PDE7B: variants seen among roughly 807,000 people sequenced by gnomAD.
PDE7B encodes the protein phosphodiesterase 7B, also known as 3',5'-cyclic-AMP phosphodiesterase 7B.
A neutral mutation model predicts 56.2 loss-of-function variants in PDE7B; 29 were observed. The observed-to-expected ratio is 0.52, with a 90% CI of 0.38 to 0.70. PDE7B has a LOEUF of 0.70. PDE7B is among the 30% of genes least tolerant of loss of function. The probability of loss-of-function intolerance (pLI) is 0.00; values close to 1 mark genes in which losing one functional copy is unlikely to be tolerated. For missense variants in PDE7B, 490 were observed against 565.0 expected (o/e 0.87, Z 1.35); for synonymous variants, 197 against 196.9 (o/e 1.00, Z 0.00).
chr6:136,008,388 A>G (rs1185150321), intron 2 of PDE7B, among the ~76,000 whole-genome samples: 2 of 152,220 alleles, frequency 1.3e-5, no homozygotes, highest in Admixed American at 6.5e-5. Context: ...TTCTAGTTCT[A>G]GATCCCTGAG....
chr6:136,011,367 A>G (rs1775892531), intron 2 of PDE7B, among the ~76,000 whole-genome samples: 2 of 152,228 alleles, frequency 1.3e-5, no homozygotes, highest in Non-Finnish European at 2.9e-5. Flanking sequence ...TTGCAGAGTA[A>G]GACTGACTTT....
rs191270357 is a variant in PDE7B, at chr6:135,870,453, C to T, written c.21+18434C>T. 4.7e-3 allele frequency among the ~76,000 whole-genome samples: 707 copies of T among 151,542 alleles called. 12 individuals are homozygous for T. The highest frequency in any genetic ancestry group is 0.019 in the South Asian group (93 of 4,782). Reference sequence around the variant, plus strand: ...GATTAAATGTGTGTGTGTGTGTGTGCACACAGGCTTAGAACTGAGTTCAGT... The same window carrying T: ...GATTAAATGTGTGTGTGTGTGTGTGTACACAGGCTTAGAACTGAGTTCAGT... On this transcript the variant is annotated intron_variant, in intron 1 of 12. Coordinates refer to ENST00000308191, the MANE Select transcript of PDE7B (RefSeq NM_018945.4).
rs72005772 is a variant in PDE7B, at chr6:135,972,233, CAAAAAAAAAAAAAAAAA to C, written c.82+24721_82+24737del. ...TGGGCAACTAGAGCTAAACTGTTCT[CAAAAAAAAAAAAAAAAA>C]AAAAAAAAAAACCCAAAAAACAGGG... On this transcript the variant is annotated intron_variant, in intron 2 of 12. Transcript: ENST00000308191. Among the ~76,000 whole-genome samples, 3 of 65,192 alleles carry C rather than the reference CAAAAAAAAAAAAAAAAA, an allele frequency of 4.6e-5. No individual in the cohort carries two copies. The East Asian group carries it at 1.7e-3, about 36-fold the overall frequency. 42.8% of individuals were successfully genotyped at this position (65,192 alleles called of 152,430 possible).
At chr6:135,986,406 TGTA>T (rs770043762) in intron 2 of PDE7B, among the ~76,000 whole-genome samples, 22 of 152,274 alleles carry the variant, frequency 1.4e-4, no homozygotes, top group South Asian at 4.1e-4. Context: ...TTTAGGAAAG[TGTA>T]GTAGCCATGC....
Position 136,195,336 on chromosome 6 carries a change from T to A in PDE7B, c.*3496T>A, listed in dbSNP as rs567606232. The A allele has an allele frequency of 1.8e-4, 27 of 152,082 alleles. No homozygotes were observed. Among genetic ancestry groups the A allele is most frequent in the African/African-American group, 6.5e-4 (27 of 41,502 alleles). The allele number at this position is 152,082 out of a possible 1,614,324, so 9.4% of individuals were successfully genotyped here. A position where few individuals can be genotyped will look rare whatever the true frequency, so the allele number is the denominator to read the frequency against. On this transcript the variant is annotated 3_prime_UTR_variant, in exon 13 of 13. Coordinates refer to ENST00000308191, the MANE Select transcript of PDE7B (RefSeq NM_018945.4). ...TTTTGTAATCTTTTCTCGTGTTGAATCAGATCTGCTTACTTATTTAGGTTT... is the reference window on the plus strand; with the variant it reads ...TTTTGTAATCTTTTCTCGTGTTGAAACAGATCTGCTTACTTATTTAGGTTT...
chr6:135,952,894 G>C (rs1774725618), intron 2 of PDE7B, among the ~76,000 whole-genome samples: 1 of 152,110 alleles, frequency 6.6e-6, no homozygotes, highest in African/African-American at 2.4e-5. Context: ...TTTAGTTAGA[G>C]AGTCTTTTCG....
chr6:136,099,438 T>C (rs1436979395), intron 2 of PDE7B, among the ~76,000 whole-genome samples: 3 of 152,216 alleles, frequency 2.0e-5, no homozygotes, highest in African/African-American at 4.8e-5. Context: ...CCAGCATCTG[T>C]TGTTTCCTGA....
rs1554267949 is a variant in PDE7B at position 135,934,739 on chromosome 6, AAT to A, written c.22-12710_22-12709del. 1.7e-3 allele frequency among the ~76,000 whole-genome samples: 177 copies of A among 105,664 alleles called. 3 individuals carry two copies. The highest frequency in any genetic ancestry group is 5.6e-3 in the African/African-American group (154 of 27,694). 69.3% of individuals were successfully genotyped at this position (105,664 alleles called of 152,430 possible). ...AGTGAAACTCTGTCTCAAAAAAAAAAATATATATATATATATTTTTTAAATAT... is the reference window on the plus strand; with the variant it reads ...AGTGAAACTCTGTCTCAAAAAAAAAAATATATATATATATTTTTTAAATAT... On this transcript the variant is annotated intron_variant, in intron 1 of 12. Transcript: ENST00000308191.
intron 1 of PDE7B, among the ~76,000 whole-genome samples, chr6:135,862,718 T>C (rs1375754754): frequency 6.6e-6 from 1 of 151,900 alleles, no homozygotes; most frequent in Non-Finnish European, 1.5e-5. Flanking sequence ...AGATTTTCTA[T>C]TTTCATTGTC....
chr6:136,165,808 T>G (rs1414349708), intron 8 of PDE7B: 1 of 152,200 alleles, frequency 6.6e-6, no homozygotes, highest in Non-Finnish European at 1.5e-5. Context: ...CTTCATCAAA[T>G]GATCCCACCT....
intron 2 of PDE7B, among the ~76,000 whole-genome samples, chr6:135,957,336 TGTG>T (rs960678625): frequency 6.6e-6 from 1 of 152,124 alleles, no homozygotes; most frequent in African/African-American, 2.4e-5. Flanking sequence ...TTTAAAAAAA[TGTG>T]GAGCAGTTTT....
intron 8 of PDE7B, among the ~76,000 whole-genome samples, chr6:136,161,188 C>T (rs899797469): frequency 6.6e-6 from 1 of 151,990 alleles, no homozygotes; most frequent in Non-Finnish European, 1.5e-5. Context: ...GACATATTTC[C>T]CTCCTGAAAG....
intron 2 of PDE7B, among the ~76,000 whole-genome samples, chr6:135,961,465 A>G (rs529542405): frequency 6.6e-6 from 1 of 152,270 alleles, no homozygotes; most frequent in East Asian, 1.9e-4. Flanking sequence ...TTGACTCAAT[A>G]AAAACAGTTT....
chr6:135,962,992 A>G (rs1410375727), intron 2 of PDE7B, among the ~76,000 whole-genome samples: 1 of 152,228 alleles, frequency 6.6e-6, no homozygotes, highest in East Asian at 1.9e-4. Flanking sequence ...GAAGCCTTCC[A>G]GAACCAACAC....
At chr6:135,861,907 T>C (rs1175761739) in intron 1 of PDE7B, among the ~76,000 whole-genome samples, 1 of 151,908 alleles carries the variant, frequency 6.6e-6, no homozygotes, top group African/African-American at 2.4e-5. Context: ...CTTCAATTTC[T>C]ATTTTTAACT....
chr6:135,876,323 G>A (rs1775492179), intron 1 of PDE7B, among the ~76,000 whole-genome samples: 1 of 152,114 alleles, frequency 6.6e-6, no homozygotes, highest in South Asian at 2.1e-4. Context: ...TGCACGCCTG[G>A]TAGCAGCTCC....
rs541838045 is a variant in PDE7B, at chr6:135,851,705, G to C, written c.-294G>C. The C allele has an allele frequency of 2.9e-6, 1 of 343,234 alleles. No individual in the cohort carries two copies. The highest frequency in any genetic ancestry group is 4.8e-5 in the East Asian group (1 of 20,704). 21.3% of individuals were successfully genotyped at this position (343,234 alleles called of 1,614,324 possible). ...CGGCTGCTCACCCAGCCAGTCAGTT[G>C]GTCTGGGCACTGCAGCAGGCTCGGC... is the stretch of plus-strand genomic sequence containing the variant. On this transcript the variant is annotated 5_prime_UTR_variant, in exon 1 of 13. Coordinates refer to ENST00000308191, the MANE Select transcript of PDE7B (RefSeq NM_018945.4).
chr6:136,082,461 G>A (rs905342957), intron 2 of PDE7B, among the ~76,000 whole-genome samples: 11 of 152,168 alleles, frequency 7.2e-5, no homozygotes, highest in African/African-American at 2.7e-4. Flanking sequence ...AGAGGACAGC[G>A]AGATTTGCCA....
chr6:135,992,301 C>T (rs1682287896), intron 2 of PDE7B, among the ~76,000 whole-genome samples: 1 of 151,988 alleles, frequency 6.6e-6, no homozygotes, highest in African/African-American at 2.4e-5. Flanking sequence ...TCCTGGGCTG[C>T]ATGCAGCCCT....
Sources: allele counts gnomAD v4.1 joint callset (sites outside exome capture counted in the v4.1 genomes callset), GRCh38; gene constraint gnomAD v4.1.1; transcripts MANE v1.5; gene names NCBI Gene and HGNC (gene_info 2026-07-23, HGNC 2026-07-21).